The following MTIF3 variants were observed in gnomAD, a reference collection of about 807,000 sequenced individuals.
MTIF3 encodes translation initiation factor IF-3, mitochondrial.
Under a neutral mutation model 20.7 loss-of-function variants are expected in MTIF3, and 13 were observed. That is an observed-to-expected ratio of 0.63 (90% CI 0.41 to 1.00). The LOEUF is 1.00. Ranked by LOEUF, MTIF3 falls within the 50% of genes least tolerant of loss-of-function variation. The pLI, the probability that MTIF3 is intolerant of heterozygous loss-of-function variation, is 0.00. For missense variants in MTIF3, 295 were observed against 324.5 expected (o/e 0.91, Z 0.70); for synonymous variants, 114 against 112.5 (o/e 1.01, Z -0.08).
At position 27,440,272 on chromosome 13, in the gene MTIF3, T is replaced by C. The variant is rs760993483; in HGVS notation, c.177A>G (p.Glu59=). ...TCTTTTTTCCTTCATTCTGGGTGTC[T>C]TCAGCGGTACTAAAGGCTTTTGCAT... ...LIHAKAFSTA[E]DTQNEGKKTK... The change falls in exon 3 of 5, where the codon GAA becomes GAG. Residue 59 remains glutamate, a synonymous_variant. Transcript: ENST00000381120. 1.5e-5 allele frequency: 24 copies of C among 1,614,118 alleles called. No homozygotes were observed. Among genetic ancestry groups the C allele is most frequent in the Admixed American group, 1.0e-4 (6 of 60,016 alleles).
intron 3 of MTIF3, among the ~76,000 whole-genome samples, chr13:27,438,966 C>G (rs1010973182): frequency 6.6e-6 from 1 of 152,198 alleles, no homozygotes. Context: ...GTGCTGGGAG[C>G]AGTCATCTGA....
chr13:27,448,024 G>A (rs1954236269), intron 1 of MTIF3, among the ~76,000 whole-genome samples: 1 of 151,946 alleles, frequency 6.6e-6, no homozygotes, highest in Non-Finnish European at 1.5e-5. Flanking sequence ...TGCTCCAAAG[G>A]ACAGCTGTAT....
intron 2 of MTIF3, chr13:27,441,020 T>G (rs1273053563): frequency 1.2e-5 from 2 of 163,260 alleles, no homozygotes; most frequent in African/African-American, 4.8e-5. Context: ...TATTTACTAT[T>G]AAGTGGAAGT....
intron 2 of MTIF3, among the ~76,000 whole-genome samples, chr13:27,443,151 G>A (rs559989487): frequency 3.7e-4 from 56 of 152,310 alleles, no homozygotes; most frequent in African/African-American, 1.2e-3. Flanking sequence ...GAGTATCTGT[G>A]GCCAGATGCT....
chr13:27,439,791 GGAAAAACAGT>G (rs1593190835), intron 3 of MTIF3, among the ~76,000 whole-genome samples, 188 bp downstream of exon 3: 1 of 152,100 alleles, frequency 6.6e-6, no homozygotes, highest in East Asian at 1.9e-4. Context: ...AGGGTATTGT[GGAAAAACAGT>G]GAAAAAAAGG....
Position 27,435,849 on chromosome 13 carries a change from A to G in MTIF3, c.663T>C (p.Ala221=). ...CAGCTTGTGGCCTAGATGAGAATGTAGCTATTCCAGGCATAGTCTGGAGTA... is the reference window on the plus strand; with the variant it reads ...CAGCTTGTGGCCTAGATGAGAATGTGGCTATTCCAGGCATAGTCTGGAGTA... ...HQILQTMPGI[A]TFSSRPQAVQ... Residue 221 remains alanine, a synonymous_variant, in exon 5 of 5, where the codon GCT becomes GCC. Coordinates refer to ENST00000381120, the MANE Select transcript of MTIF3 (RefSeq NM_152912.5). 1 of 1,613,982 alleles carries G rather than the reference A, an allele frequency of 6.2e-7. No homozygotes were observed. The highest frequency in any genetic ancestry group is 8.5e-7 in the Non-Finnish European group (1 of 1,180,010).
Position 27,435,665 on chromosome 13 carries a change from T to C in MTIF3, c.*10A>G. On this transcript the variant is annotated 3_prime_UTR_variant, in exon 5 of 5. Coordinates refer to ENST00000381120, the MANE Select transcript of MTIF3 (RefSeq NM_152912.5). ...AGCTTTCTCTCAGAGCATGCTTTTCTTTATTAAAATTACTGATGCAGAACA... is the reference window on the plus strand; with the variant it reads ...AGCTTTCTCTCAGAGCATGCTTTTCCTTATTAAAATTACTGATGCAGAACA... The C allele has an allele frequency of 6.2e-7, 1 of 1,613,210 alleles. No homozygotes were observed. Among genetic ancestry groups the C allele is most frequent in the African/African-American group, 1.3e-5 (1 of 74,936 alleles).
chr13:27,447,771 ATATC>A (rs1365448259), intron 1 of MTIF3, among the ~76,000 whole-genome samples: 1 of 152,160 alleles, frequency 6.6e-6, no homozygotes, highest in Non-Finnish European at 1.5e-5. Context: ...GAACCAAACA[ATATC>A]TACTCTTTGT....
chr13:27,445,373 G>T (rs1352923407), intron 1 of MTIF3, among the ~76,000 whole-genome samples: 6 of 152,054 alleles, frequency 3.9e-5, no homozygotes, highest in Non-Finnish European at 8.8e-5. Flanking sequence ...CTACTGGGGA[G>T]GCTGAGGAAG....
At chr13:27,450,107 G>A (rs1187625444) in intron 1 of MTIF3, 3 of 152,310 alleles carry the variant, frequency 2.0e-5, no homozygotes, top group Non-Finnish European at 2.9e-5. Flanking sequence ...GGGAGCCCCC[G>A]ACCCGGTTGT....
rs1404976471 is a variant in MTIF3 at position 27,437,116 on chromosome 13, C to G, written c.618G>C (p.Met206Ile). The change falls in exon 4 of 5, where the codon ATG (methionine) becomes ATC (isoleucine). Residue 206 changes from methionine to isoleucine, a missense_variant and splice_region_variant. By Grantham distance (10) the Met-to-Ile change is conservative. Transcript: ENST00000381120. ...AGTGGCTTGTACCTTCTTTACTTAC[C>G]ATTTCATTTTCTGACACGTCTACAT... ...GKNVDVSENE[M>I]EEIFHQILQT... The G allele has an allele frequency of 6.2e-7, 1 of 1,613,102 alleles. No homozygotes were observed. Among genetic ancestry groups the G allele is most frequent in the Admixed American group, 1.7e-5 (1 of 59,808 alleles).
chr13:27,437,004 GC>G (rs1189798940), intron 4 of MTIF3, 111 bp downstream of exon 4: 1 of 1,075,794 alleles, frequency 9.3e-7, no homozygotes, highest in African/African-American at 1.6e-5. Context: ...GCCCACCTTG[GC>G]CTCCCAAAAT....
In MTIF3 at chr13:27,440,390, C is replaced by T. The variant is rs765333987; in HGVS notation, c.59G>A (p.Cys20Tyr). The change falls in exon 3 of 5, where the codon TGC becomes TAC. Residue 20 changes from cysteine to tyrosine, a missense_variant. Physicochemically the swap from Cys to Tyr is radical, Grantham distance 194 (BLOSUM62 -2). Coordinates refer to ENST00000381120, the MANE Select transcript of MTIF3 (RefSeq NM_152912.5). ...TLQTVKSENS[C>Y]IRCFGKHILQ... Reference sequence around the variant, plus strand: ...GATGTGTTTACCAAAACATCTAATGCAACTATTTTCAGACTTTACAGTTTG... The same window carrying T: ...GATGTGTTTACCAAAACATCTAATGTAACTATTTTCAGACTTTACAGTTTG... 6.2e-7 allele frequency: 1 copy of T among 1,614,058 alleles called. No individual in the cohort carries two copies. Among genetic ancestry groups the T allele is most frequent in the Non-Finnish European group, 8.5e-7 (1 of 1,179,980 alleles).
At chr13:27,438,500 T>G (rs1953876830) in intron 3 of MTIF3, among the ~76,000 whole-genome samples, 1 of 145,310 alleles carries the variant, frequency 6.9e-6, no homozygotes, top group Non-Finnish European at 1.5e-5. Context: ...TTTTTTTTTT[T>G]TTTTTTTTTA....
intron 2 of MTIF3, among the ~76,000 whole-genome samples, chr13:27,444,247 A>G (rs1954099329): frequency 6.6e-6 from 1 of 152,118 alleles, no homozygotes; most frequent in African/African-American, 2.4e-5. Context: ...CGGAGCTAGC[A>G]GTGAGCGAGA....
intron 1 of MTIF3, among the ~76,000 whole-genome samples, chr13:27,449,566 TC>T (rs142000116): frequency 0.012 from 1,767 of 152,324 alleles, 38 homozygotes; most frequent in African/African-American, 0.038. Flanking sequence ...CTGATTACCT[TC>T]CAAACTAAGC....
At chr13:27,448,370 T>G (rs1023536799) in intron 1 of MTIF3, among the ~76,000 whole-genome samples, 2 of 152,234 alleles carry the variant, frequency 1.3e-5, no homozygotes, top group African/African-American at 4.8e-5. Context: ...CCAATTCTCA[T>G]GACTCTAAGA....
intron 1 of MTIF3, 49 bp downstream of exon 1, chr13:27,450,460 C>T (rs1446499274): frequency 1.3e-5 from 2 of 152,498 alleles, no homozygotes; most frequent in African/African-American, 4.8e-5. Flanking sequence ...GCCACGCCCT[C>T]CCGATGCCGG....
rs1566083345 is a variant in MTIF3, at chr13:27,440,022, G to C, written c.427C>G (p.Leu143Val). The change falls in exon 3 of 5, where the codon CTG (leucine) becomes GTG (valine). Residue 143 changes from leucine (L) to valine (V), a missense_variant. Leu to Val is a conservative substitution (Grantham distance 32, BLOSUM62 1). Transcript: ENST00000381120. ...GGGTTCGCCTTCTCCATCTCCCTCA[G>C]CCTCTGCCGCTCCTGGAGGATCTGC... ...GLQILQERQRLREMEKANPKT... is the reference protein window; with the variant it reads ...GLQILQERQRVREMEKANPKT... 2 of 1,614,002 alleles carry C rather than the reference G, an allele frequency of 1.2e-6. No homozygotes were observed. The highest frequency in any genetic ancestry group is 3.3e-5 in the Admixed American group (2 of 59,996).
Sources: allele counts gnomAD v4.1 joint callset (sites outside exome capture counted in the v4.1 genomes callset), GRCh38; gene constraint gnomAD v4.1.1; transcripts MANE v1.5; gene names NCBI Gene and HGNC (gene_info 2026-07-23, HGNC 2026-07-21).